The following LIN28B variants were observed in gnomAD, a reference collection of about 807,000 sequenced individuals.
LIN28B encodes the protein protein lin-28 homolog B.
In LIN28B, 5 loss-of-function variants were observed where a neutral mutation model predicts 21.9. The observed-to-expected ratio is 0.23, with a 90% CI of 0.12 to 0.48. The LOEUF (loss-of-function observed/expected upper bound fraction) is 0.48. LIN28B is among the 20% of genes least tolerant of loss of function. The probability of loss-of-function intolerance (pLI) is 0.98; values close to 1 mark genes in which losing one functional copy is unlikely to be tolerated. For missense variants in LIN28B, 245 were observed against 310.5 expected (o/e 0.79, Z 1.58); for synonymous variants, 109 against 111.3 (o/e 0.98, Z 0.13).
chr6:104,942,333 G>A (rs1465684618), intron 2 of LIN28B, among the ~76,000 whole-genome samples: 1 of 151,874 alleles, frequency 6.6e-6, no homozygotes, highest in Admixed American at 6.6e-5. Flanking sequence ...TTTTTTTGGT[G>A]CTGGTTATTA....
At chr6:104,947,598 A>G (rs1252673502) in intron 2 of LIN28B, among the ~76,000 whole-genome samples, 1 of 152,072 alleles carries the variant, frequency 6.6e-6, no homozygotes, top group African/African-American at 2.4e-5. Flanking sequence ...GATACTCTTT[A>G]TAAGTTAGGC....
intron 2 of LIN28B, among the ~76,000 whole-genome samples, chr6:105,009,624 T>C (rs186897266): frequency 6.6e-6 from 1 of 152,304 alleles, no homozygotes; most frequent in East Asian, 1.9e-4. Flanking sequence ...TCAACTGTCA[T>C]TGCAATAAGG....
chr6:105,029,392 C>T (rs1346338192), intron 3 of LIN28B, among the ~76,000 whole-genome samples: 1 of 152,148 alleles, frequency 6.6e-6, no homozygotes, highest in East Asian at 1.9e-4. Flanking sequence ...TAAAGCACAA[C>T]TGGGGGAGCT....
At chr6:104,956,772 T>A (rs1178003098), upstream of LIN28B, among the ~76,000 whole-genome samples, 1 of 152,166 alleles carries the variant, frequency 6.6e-6, no homozygotes, top group Non-Finnish European at 1.5e-5. Context: ...GTCAGGCTTG[T>A]GTGTAAGGCA....
chr6:104,989,705 TGCCTCA>T (rs67784755), intron 2 of LIN28B, among the ~76,000 whole-genome samples: 72,366 of 149,980 alleles, frequency 0.48, 19,273 homozygotes, highest in East Asian at 0.7. Flanking sequence ...GCAATTCTCA[TGCCTCA>T]GCCTGAGTAG....
chr6:105,027,846 T>C (rs1771319655), intron 3 of LIN28B, among the ~76,000 whole-genome samples: 2 of 152,292 alleles, frequency 1.3e-5, no homozygotes, highest in South Asian at 4.1e-4. Flanking sequence ...TCTCTCCAAA[T>C]TGGTAACCAG....
At chr6:104,985,589 G>C (rs1770321859) in intron 2 of LIN28B, among the ~76,000 whole-genome samples, 1 of 151,932 alleles carries the variant, frequency 6.6e-6, no homozygotes, top group African/African-American at 2.4e-5. Context: ...CTTCTTCATA[G>C]TTTCTTTGGA....
At chr6:105,031,327 TG>T (rs1354469090) in intron 3 of LIN28B, among the ~76,000 whole-genome samples, 2 of 152,132 alleles carry the variant, frequency 1.3e-5, no homozygotes, top group African/African-American at 4.8e-5. Context: ...ACTTTCTTAC[TG>T]GTATAAGATA....
chr6:105,054,169 A>T (rs529404109), intron 3 of LIN28B, among the ~76,000 whole-genome samples: 2 of 152,236 alleles, frequency 1.3e-5, no homozygotes, highest in African/African-American at 4.8e-5. Context: ...CTGCCTTTTA[A>T]TTGGGATTTG....
chr6:105,024,440 G>A (rs952012199), intron 2 of LIN28B, among the ~76,000 whole-genome samples: 1 of 152,136 alleles, frequency 6.6e-6, no homozygotes, highest in African/African-American at 2.4e-5. Flanking sequence ...CTTCTTGAGT[G>A]GAGAGGGAGA....
chr6:104,974,056 G>C (rs1322629988), intron 2 of LIN28B, among the ~76,000 whole-genome samples: 1 of 152,124 alleles, frequency 6.6e-6, no homozygotes, highest in Non-Finnish European at 1.5e-5. Flanking sequence ...CTAGAAGAAG[G>C]CTTTTAAAAC....
intron 2 of LIN28B, among the ~76,000 whole-genome samples, chr6:104,985,422 G>A (rs971475112): frequency 3.3e-5 from 5 of 152,068 alleles, no homozygotes; most frequent in South Asian, 2.1e-4. Flanking sequence ...TCGAATTCCT[G>A]TTTAAGTGTG....
chr6:105,036,435 A>T (rs1771523954), intron 3 of LIN28B, among the ~76,000 whole-genome samples: 1 of 152,158 alleles, frequency 6.6e-6, no homozygotes, highest in South Asian at 2.1e-4. Flanking sequence ...TAATTTTAGG[A>T]TGGTTATCCA....
intron 3 of LIN28B, among the ~76,000 whole-genome samples, chr6:105,068,954 C>T (rs1327750432): frequency 6.6e-6 from 1 of 152,202 alleles, no homozygotes; most frequent in East Asian, 1.9e-4. Flanking sequence ...CAGTGGCTCA[C>T]ACCTGTAATC....
rs34394074 is a variant in LIN28B at position 104,989,576 on chromosome 6, G to GTTTT, written c.198+31312_198+31315dup. Among the ~76,000 whole-genome samples, 153 of 60,442 alleles carry GTTTT rather than the reference G, an allele frequency of 2.5e-3. 1 individual carries two copies. Among genetic ancestry groups the GTTTT allele is most frequent in the East Asian group, 6.3e-3 (8 of 1,262 alleles). The allele number at this position is 60,442 out of a possible 152,430, so 39.7% of individuals were successfully genotyped here. ...GAAACTTTATTTTTATTTTACTTGG[G>GTTTT]TTTTTTTTTTTTTTTTTTTTTTTTT... On this transcript the variant is annotated intron_variant, in intron 2 of 3. Transcript: ENST00000345080.
chr6:105,055,646 G>A (rs1003782103), intron 3 of LIN28B, among the ~76,000 whole-genome samples: 2 of 151,804 alleles, frequency 1.3e-5, no homozygotes, highest in African/African-American at 4.8e-5. Context: ...TTTTAAGTTC[G>A]CTAAATTTTT....
chr6:104,985,351 C>T (rs1770313287), intron 2 of LIN28B, among the ~76,000 whole-genome samples: 1 of 152,136 alleles, frequency 6.6e-6, no homozygotes, highest in South Asian at 2.1e-4. Context: ...AAAAACATGA[C>T]AGTACAAAGG....
chr6:105,043,621 C>T (rs1195327616), intron 3 of LIN28B, among the ~76,000 whole-genome samples: 1 of 151,014 alleles, frequency 6.6e-6, no homozygotes, highest in African/African-American at 2.4e-5. Context: ...GTCTCACTCT[C>T]ACCCAAGCTG....
At chr6:104,943,430 A>C (rs752349044) in intron 2 of LIN28B, among the ~76,000 whole-genome samples, 42 of 152,170 alleles carry the variant, frequency 2.8e-4, no homozygotes, top group Non-Finnish European at 5.3e-4. Context: ...TTTAAAAATA[A>C]TTGAAGCGCT....
Sources: allele counts gnomAD v4.1 joint callset (sites outside exome capture counted in the v4.1 genomes callset), GRCh38; gene constraint gnomAD v4.1.1; transcripts MANE v1.5; gene names NCBI Gene and HGNC (gene_info 2026-07-23, HGNC 2026-07-21).